The following SCARB1 variants were observed in gnomAD, a reference collection of about 807,000 sequenced individuals.
SCARB1 encodes scavenger receptor class B member 1, also known as CD36 and LIMPII analogous 1.
A neutral mutation model predicts 57.2 loss-of-function variants in SCARB1; 30 were observed. The ratio of observed to expected loss-of-function variants is 0.52; its 90% confidence interval spans 0.39 to 0.71. SCARB1 has a LOEUF of 0.71. Among genes scored for constraint, SCARB1 ranks in the 30% least tolerant of loss-of-function variants. SCARB1 has a pLI of 0.00. For synonymous variants in SCARB1, 249 were observed against 268.3 expected (o/e 0.93, Z 0.70); for missense variants, 543 against 671.2 (o/e 0.81, Z 2.11).
chr12:124,791,878 C>T (rs1477758225), intron 9 of SCARB1, among the ~76,000 whole-genome samples: 1 of 151,978 alleles, frequency 6.6e-6, no homozygotes, highest in East Asian at 1.9e-4. Flanking sequence ...ATCGCTTGAA[C>T]CCGAGGCGGA....
At position 124,807,460 on chromosome 12, in the gene SCARB1, C is replaced by T. The variant is rs1268857507; in HGVS notation, c.1009+301G>A. Among the ~76,000 whole-genome samples the T allele has an allele frequency of 1.3e-5, 2 of 152,156 alleles. No individual in the cohort carries two copies. Among genetic ancestry groups the T allele is most frequent in the African/African-American group, 2.4e-5 (1 of 41,438 alleles). On this transcript the variant is annotated intron_variant, in intron 7 of 12. Transcript: ENST00000261693. This position sits in a 1 kb window ranked among gnomAD's most constrained non-coding sequence, Gnocchi z 5.3. Reference sequence around the variant, plus strand: ...CTTCTCCTAGAGCCTCCAGAAGGAACACAGCCGCCTTGTTCTGAGCGCGGT... The same window carrying T: ...CTTCTCCTAGAGCCTCCAGAAGGAATACAGCCGCCTTGTTCTGAGCGCGGT...
chr12:124,798,179 G>A (rs1950012842), intron 8 of SCARB1, among the ~76,000 whole-genome samples: 1 of 152,234 alleles, frequency 6.6e-6, no homozygotes, highest in South Asian at 2.1e-4. Flanking sequence ...GGGAGGCCGA[G>A]GTGGACGGAT....
rs530710841 is a variant in SCARB1 at position 124,863,746 on chromosome 12, G to A, written c.-26C>T. 7.7e-6 allele frequency: 11 copies of A among 1,426,240 alleles called. No homozygotes were observed. The South Asian group carries it at 1.7e-4, about 22-fold the overall frequency. 88.3% of individuals were successfully genotyped at this position (1,426,240 alleles called of 1,614,324 possible). The stretch of plus-strand genomic sequence containing the variant: ...GTCTGCGCGCCTGGGGCCCACCCGC[G>A]GCTCGCAGGGCTCCGCGCCTGGCAG... On this transcript the variant is annotated 5_prime_UTR_variant, in exon 1 of 13. Coordinates refer to ENST00000261693, the MANE Select transcript of SCARB1 (RefSeq NM_005505.5).
Position 124,854,150 on chromosome 12 carries a change from T to C in SCARB1, c.126+9445A>G, listed in dbSNP as rs543038900. ...TCTAAGCAGAGCGGGTAAGGAGGGC[T>C]GGCAGCACAGGGGGACAAGGGGGAA... is the stretch of plus-strand genomic sequence containing the variant. On this transcript the variant is annotated intron_variant, in intron 1 of 12. Transcript: ENST00000261693. Among the ~76,000 whole-genome samples the C allele has an allele frequency of 5.9e-5, 9 of 152,314 alleles. No homozygotes were observed. The South Asian group carries it at 1.9e-3, about 32-fold the overall frequency.
At chr12:124,801,779 G>T (rs1950139468) in intron 7 of SCARB1, among the ~76,000 whole-genome samples, 1 of 152,048 alleles carries the variant, frequency 6.6e-6, no homozygotes, top group Non-Finnish European at 1.5e-5. Context: ...ATAGTTTTCG[G>T]AGGTTGCAGT....
intron 9 of SCARB1, among the ~76,000 whole-genome samples, chr12:124,794,272 A>AG (rs200473703): frequency 0.028 from 4,215 of 152,126 alleles, 116 homozygotes; most frequent in African/African-American, 0.072. Flanking sequence ...GCATTTTATT[A>AG]GGGGGGTTAT....
At chr12:124,788,341 C>A (rs1012445547) in intron 9 of SCARB1, among the ~76,000 whole-genome samples, 19 of 152,224 alleles carry the variant, frequency 1.2e-4, no homozygotes, top group Admixed American at 2.0e-4. Flanking sequence ...GCAATGCACC[C>A]AGTTAAAGAC....
intron 8 of SCARB1, among the ~76,000 whole-genome samples, chr12:124,799,306 C>G (rs550999083): frequency 1.3e-5 from 2 of 152,286 alleles, no homozygotes; most frequent in African/African-American, 4.8e-5. Context: ...AGGAGGATCG[C>G]TTGAGCCCAA....
chr12:124,810,166 G>A lies in SCARB1; in HGVS notation c.842+8C>T. ...GAAACCCAGGAGGCCCCGAGTCCCA[G>A]TGATTACCGGCAGGCCTCCGGGCTG... On this transcript the variant is annotated splice_region_variant and intron_variant, in intron 6 of 12. Transcript: ENST00000261693. The surrounding 1 kb of genome is among the most constrained non-coding windows in gnomAD (Gnocchi z 4.0). The A allele has an allele frequency of 6.3e-7, 1 of 1,598,106 alleles. No homozygotes were observed. The highest frequency in any genetic ancestry group is 2.2e-5 in the East Asian group (1 of 44,796).
intron 1 of SCARB1, chr12:124,821,348 G>T: frequency 1.0e-6 from 1 of 984,298 alleles, no homozygotes; most frequent in Non-Finnish European, 1.2e-6. Flanking sequence ...AGGCTGCTGG[G>T]CTGGAGATAC....
intron 6 of SCARB1, among the ~76,000 whole-genome samples, chr12:124,808,463 C>A (rs778815103): frequency 6.6e-6 from 1 of 152,176 alleles, no homozygotes; most frequent in Non-Finnish European, 1.5e-5. Flanking sequence ...GTGCCCAGGG[C>A]CTCCCTGCAG....
At position 124,789,367 on chromosome 12, in the gene SCARB1, GGAGA is replaced by G. The variant is rs1276555618; in HGVS notation, c.1203-1914_1203-1911del. Among the ~76,000 whole-genome samples, 3 of 152,206 alleles carry G rather than the reference GGAGA, an allele frequency of 2.0e-5. No individual in the cohort carries two copies. Among genetic ancestry groups the G allele is most frequent in the African/African-American group, 7.2e-5 (3 of 41,446 alleles). On this transcript the variant is annotated intron_variant, in intron 9 of 12. Transcript: ENST00000261693. The surrounding 1 kb of genome is among the most constrained non-coding windows in gnomAD (Gnocchi z 4.4). The stretch of plus-strand genomic sequence containing the variant: ...AAAGTGTCACTGTCATCAAAATGAA[GGAGA>G]GATGAGAGACTGTCACAGCCAAAAG...
rs1431962143 is a variant in SCARB1 at position 124,800,996 on chromosome 12, C to A, written c.1010-754G>T. ...GCCTCAGCAGGCAGATGACTTGCACCCAGGAATTGGAGACCAGGCTGGACA... is the reference window on the plus strand; with the variant it reads ...GCCTCAGCAGGCAGATGACTTGCACACAGGAATTGGAGACCAGGCTGGACA... On this transcript the variant is annotated intron_variant, in intron 7 of 12. Transcript: ENST00000261693. The surrounding 1 kb of genome is among the most constrained non-coding windows in gnomAD (Gnocchi z 4.8). 1.3e-5 allele frequency among the ~76,000 whole-genome samples: 2 copies of A among 152,082 alleles called. No individual in the cohort carries two copies. Among genetic ancestry groups the A allele is most frequent in the African/African-American group, 2.4e-5 (1 of 41,426 alleles).
intron 7 of SCARB1, among the ~76,000 whole-genome samples, chr12:124,804,626 C>T (rs984453227): frequency 5.3e-5 from 8 of 152,210 alleles, no homozygotes; most frequent in South Asian, 2.1e-4. Flanking sequence ...AATGCCCAGA[C>T]GGGCCAGACA....
At chr12:124,853,176 A>G (rs976891602) in intron 1 of SCARB1, among the ~76,000 whole-genome samples, 2 of 152,188 alleles carry the variant, frequency 1.3e-5, no homozygotes, top group African/African-American at 4.8e-5. Flanking sequence ...GGAGACAAAA[A>G]GACGGTCCAG....
At chr12:124,839,378 C>A (rs546692257) in intron 1 of SCARB1, 4 of 439,572 alleles carry the variant, frequency 9.1e-6, no homozygotes, top group Non-Finnish European at 1.8e-5. Context: ...CAGCGTGCGT[C>A]CAAACGTCCT....
intron 1 of SCARB1, among the ~76,000 whole-genome samples, chr12:124,836,137 C>A (rs34154715): frequency 2.5e-4 from 38 of 152,324 alleles, no homozygotes; most frequent in African/African-American, 8.4e-4. Flanking sequence ...TTCCTGCCCT[C>A]GTGGACTGAG....
intron 7 of SCARB1, among the ~76,000 whole-genome samples, chr12:124,806,168 C>T (rs938504488): frequency 6.6e-6 from 1 of 152,084 alleles, no homozygotes; most frequent in Non-Finnish European, 1.5e-5. Flanking sequence ...GCTGGATCAC[C>T]AGGAAGGACG....
chr12:124,790,009 CAA>C (rs61031862), intron 9 of SCARB1, among the ~76,000 whole-genome samples: 21 of 106,066 alleles, frequency 2.0e-4, no homozygotes, highest in African/African-American at 3.7e-4. Flanking sequence ...GACTCCGTCT[CAA>C]AAAAAAAAAA....
Sources: allele counts gnomAD v4.1 joint callset (sites outside exome capture counted in the v4.1 genomes callset), GRCh38; gene constraint gnomAD v4.1.1; non-coding constraint Gnocchi (gnomAD v3.1); transcripts MANE v1.5; gene names NCBI Gene and HGNC (gene_info 2026-07-23, HGNC 2026-07-21).